APBA1: variants seen among roughly 807,000 people sequenced by gnomAD.
The protein encoded by APBA1 is amyloid-beta A4 precursor protein-binding family A member 1.
A neutral mutation model predicts 86.6 loss-of-function variants in APBA1; 55 were observed. That is an observed-to-expected ratio of 0.64 (90% CI 0.51 to 0.80). The LOEUF is 0.80. APBA1 is among the 30% of genes least tolerant of loss of function. APBA1 has a pLI of 0.00. For synonymous variants in APBA1, 511 were observed against 493.9 expected (o/e 1.03, Z -0.46); for missense variants, 1,090 against 1,183.0 (o/e 0.92, Z 1.15).
intron 9 of APBA1, among the ~76,000 whole-genome samples, chr9:69,450,803 T>C (rs1375853295): frequency 2.0e-5 from 3 of 151,874 alleles, no homozygotes; most frequent in Non-Finnish European, 4.4e-5. Context: ...AGAAGAGGAA[T>C]GGTTGTCTGT....
intron 1 of APBA1, among the ~76,000 whole-genome samples, chr9:69,600,036 T>G (rs1211630819): frequency 6.6e-6 from 1 of 152,196 alleles, no homozygotes; most frequent in East Asian, 1.9e-4. Flanking sequence ...CCACACTAAC[T>G]TGCTGTTTTG....
chr9:69,500,021 G>T (rs1276562000), intron 2 of APBA1, among the ~76,000 whole-genome samples: 1 of 152,090 alleles, frequency 6.6e-6, no homozygotes, highest in Non-Finnish European at 1.5e-5. Flanking sequence ...ATCTGGAGGG[G>T]CGGTGCATGT....
At chr9:69,502,004 G>A (rs1012889761) in intron 2 of APBA1, among the ~76,000 whole-genome samples, 2 of 151,978 alleles carry the variant, frequency 1.3e-5, no homozygotes, top group Non-Finnish European at 2.9e-5. Context: ...TTATTTCCCT[G>A]TTGTTTGTCC....
intron 1 of APBA1, among the ~76,000 whole-genome samples, chr9:69,574,800 GA>G (rs1263265201): frequency 6.6e-6 from 1 of 152,154 alleles, no homozygotes; most frequent in Non-Finnish European, 1.5e-5. Flanking sequence ...CAATATTATG[GA>G]TAGTGGTCAC....
chr9:69,532,533 A>G (rs1373260446), intron 1 of APBA1, among the ~76,000 whole-genome samples: 2 of 152,146 alleles, frequency 1.3e-5, no homozygotes, highest in Admixed American at 1.3e-4. Context: ...GCCCGTCCCC[A>G]CACTCTGGGC....
At chr9:69,658,973 T>A (rs1296847266) in intron 1 of APBA1, among the ~76,000 whole-genome samples, 1 of 152,116 alleles carries the variant, frequency 6.6e-6, no homozygotes, top group African/African-American at 2.4e-5. Flanking sequence ...CTGAAGCCCC[T>A]CTTTGCAGTA....
intron 11 of APBA1, 31 bp from the exon 12 acceptor site, chr9:69,432,707 T>C (rs778487126): frequency 9.3e-6 from 14 of 1,511,894 alleles, no homozygotes; most frequent in Non-Finnish European, 1.2e-5. Context: ...GTTACCCTCA[T>C]TGCAGACAGT....
chr9:69,446,235 G>A lies in APBA1; in HGVS notation c.2181+3349C>T, dbSNP rs186157644. On this transcript the variant is annotated intron_variant, in intron 10 of 12. Transcript: ENST00000265381. ...GTATTTGGTACTGGTGATTCTGGCT[G>A]TTATCAGTGGTTACACCTCCCACCA... 2.4e-3 allele frequency among the ~76,000 whole-genome samples: 366 copies of A among 152,266 alleles called. 2 individuals carry two copies. Among genetic ancestry groups the A allele is most frequent in the African/African-American group, 8.2e-3 (342 of 41,542 alleles).
chr9:69,564,273 C>T (rs1010830880), intron 1 of APBA1, among the ~76,000 whole-genome samples: 1 of 152,118 alleles, frequency 6.6e-6, no homozygotes, highest in Admixed American at 6.5e-5. Flanking sequence ...GGCTTTAATA[C>T]CAAATGACAA....
intron 2 of APBA1, among the ~76,000 whole-genome samples, chr9:69,504,477 A>G (rs1458233761): frequency 6.6e-6 from 1 of 152,050 alleles, no homozygotes; most frequent in Admixed American, 6.5e-5. Context: ...CTGTTCACTC[A>G]TATTTAAGAG....
chr9:69,528,657 C>G (rs1836378956), intron 1 of APBA1, among the ~76,000 whole-genome samples: 2 of 151,948 alleles, frequency 1.3e-5, no homozygotes, highest in South Asian at 4.2e-4. Flanking sequence ...ACACAACTTC[C>G]TTTCTACTGT....
At chr9:69,471,999 C>A (rs1197543581) in intron 3 of APBA1, among the ~76,000 whole-genome samples, 9 of 152,126 alleles carry the variant, frequency 5.9e-5, no homozygotes, top group Non-Finnish European at 1.3e-4. Context: ...AAAAAGGGCA[C>A]AATTTGTATT....
At chr9:69,672,477 AGC>A (rs990391436), upstream of APBA1, among the ~76,000 whole-genome samples, 4 of 140,572 alleles carry the variant, frequency 2.8e-5, no homozygotes, top group Non-Finnish European at 3.1e-5. Context: ...GGCGCGGGGG[AGC>A]GCGCGCGCGC....
chr9:69,504,749 G>C (rs1197470333), intron 2 of APBA1, among the ~76,000 whole-genome samples: 1 of 152,000 alleles, frequency 6.6e-6, no homozygotes, highest in Admixed American at 6.5e-5. Context: ...TGGGCCGTGT[G>C]TTCCCCAGGG....
intron 1 of APBA1, among the ~76,000 whole-genome samples, chr9:69,556,270 A>G (rs997615773): frequency 1.3e-5 from 2 of 152,188 alleles, no homozygotes; most frequent in Non-Finnish European, 2.9e-5. Context: ...TGGATCTAAA[A>G]CAAAATCAAG....
At chr9:69,581,493 A>G (rs750406261) in intron 1 of APBA1, among the ~76,000 whole-genome samples, 2 of 152,244 alleles carry the variant, frequency 1.3e-5, no homozygotes, top group Non-Finnish European at 2.9e-5. Context: ...TTGCGGGGGC[A>G]GAGAGTTGAC....
At chr9:69,641,278 T>TA (rs1272858013) in intron 1 of APBA1, among the ~76,000 whole-genome samples, 59 of 152,282 alleles carry the variant, frequency 3.9e-4, no homozygotes, top group Admixed American at 3.7e-3. Context: ...TGGAAAGATA[T>TA]ACCATGTTCA....
chr9:69,576,281 A>C (rs1265010943), intron 1 of APBA1, among the ~76,000 whole-genome samples: 2 of 152,238 alleles, frequency 1.3e-5, no homozygotes, highest in East Asian at 3.8e-4. Context: ...TAGTTCAACC[A>C]TTGTGGAAGT....
chr9:69,493,744 T>G (rs1835751054), intron 2 of APBA1, among the ~76,000 whole-genome samples: 1 of 152,096 alleles, frequency 6.6e-6, no homozygotes, highest in Non-Finnish European at 1.5e-5. Flanking sequence ...CCATTTTGTA[T>G]CAGAGGAAAA....
Sources: allele counts gnomAD v4.1 joint callset (sites outside exome capture counted in the v4.1 genomes callset), GRCh38; gene constraint gnomAD v4.1.1; transcripts MANE v1.5; gene names NCBI Gene and HGNC (gene_info 2026-07-23, HGNC 2026-07-21).